PCDHGA5: variants seen among roughly 807,000 people sequenced by gnomAD.
The protein encoded by PCDHGA5 is protocadherin gamma-A5.
PCDHGA5 carries 36 observed loss-of-function variants against 56.7 expected under a neutral mutation model. The observed-to-expected ratio is 0.64, with a 90% CI of 0.49 to 0.84. PCDHGA5 has a LOEUF of 0.84. Among genes scored for constraint, PCDHGA5 ranks in the 40% least tolerant of loss-of-function variants. PCDHGA5 has a pLI of 0.00. For missense variants in PCDHGA5, 1,305 were observed against 1,201.5 expected (o/e 1.09, Z -1.27); for synonymous variants, 563 against 520.2 (o/e 1.08, Z -1.12).
At chr5:141,481,732 T>G (rs549671056) in intron 1 of PCDHGA5, among the ~76,000 whole-genome samples, 33 of 151,884 alleles carry the variant, frequency 2.2e-4, no homozygotes, top group Non-Finnish European at 4.3e-4. Context: ...GGCGGGCGGA[T>G]CACGAGGTCA....
chr5:141,365,829 C>A lies in PCDHGA5; in HGVS notation c.1499C>A (p.Pro500His). The change falls in exon 1 of 4, where the codon CCC becomes CAC. Residue 500 changes from proline to histidine, a missense_variant. Coordinates refer to ENST00000518069, the MANE Select transcript of PCDHGA5 (RefSeq NM_018918.3). ...GCTGAAGACACATTTCAGGGGGCGC[C>A]CTTGTCCTCCTATGTATCCATTAAC... is the stretch of plus-strand genomic sequence containing the variant. ...SLAEDTFQGA[P>H]LSSYVSINSD... 6.2e-7 allele frequency: 1 copy of A among 1,613,964 alleles called. No individual in the cohort carries two copies. Among genetic ancestry groups the A allele is most frequent in the Non-Finnish European group, 8.5e-7 (1 of 1,179,890 alleles).
intron 1 of PCDHGA5, chr5:141,414,601 T>A: frequency 6.2e-7 from 1 of 1,613,944 alleles, no homozygotes; most frequent in Non-Finnish European, 8.5e-7. Flanking sequence ...TGCCTCCATC[T>A]TCTCAGTGAC....
intron 1 of PCDHGA5, among the ~76,000 whole-genome samples, chr5:141,470,142 A>G (rs1308458765): frequency 6.6e-6 from 1 of 152,044 alleles, no homozygotes; most frequent in Non-Finnish European, 1.5e-5. Context: ...AAAAAAGATC[A>G]TAGATCATCT....
intron 1 of PCDHGA5, chr5:141,393,007 G>C: frequency 6.2e-7 from 1 of 1,613,850 alleles, no homozygotes; most frequent in Non-Finnish European, 8.5e-7. Context: ...CACGGAGTCC[G>C]TATCGTCTCC....
chr5:141,491,598 C>T lies in PCDHGA5; in HGVS notation c.2422-3209C>T, dbSNP rs1410472886. On this transcript the variant is annotated intron_variant, in intron 1 of 3. Transcript: ENST00000518069. This position sits in a 1 kb window ranked among gnomAD's most constrained non-coding sequence, Gnocchi z 6.9. ...TTTCACCGGCCTCGGACGGCAGTGA[C>T]TTCACTTTTCTAAGACCCCTCAGCG... 1.4e-5 allele frequency: 22 copies of T among 1,613,872 alleles called. No homozygotes were observed. The highest frequency in any genetic ancestry group is 1.8e-5 in the Non-Finnish European group (21 of 1,180,048).
chr5:141,415,112 T>G, intron 1 of PCDHGA5: 1 of 1,613,626 alleles, frequency 6.2e-7, no homozygotes, highest in Non-Finnish European at 8.5e-7. Flanking sequence ...AAGCAAAGCC[T>G]CGTAGTGGCC....
At chr5:141,393,050 G>A (rs1270447503) in intron 1 of PCDHGA5, 2 of 1,613,668 alleles carry the variant, frequency 1.2e-6, no homozygotes, top group East Asian at 2.2e-5. Flanking sequence ...CTCTGAACCC[G>A]CGCAGCGGCA....
chr5:141,393,656 C>T (rs762750239), intron 1 of PCDHGA5: 2 of 1,613,868 alleles, frequency 1.2e-6, no homozygotes, highest in East Asian at 4.5e-5. Context: ...CATACAAATT[C>T]CGGAAAATTA....
intron 2 of PCDHGA5, among the ~76,000 whole-genome samples, chr5:141,500,844 T>C (rs190011905): frequency 6.6e-6 from 1 of 152,204 alleles, no homozygotes; most frequent in Non-Finnish European, 1.5e-5. Flanking sequence ...AATGGGCTTT[T>C]GCTACATTAG....
intron 1 of PCDHGA5, chr5:141,399,103 C>CA (rs755732381): frequency 6.2e-7 from 1 of 1,613,604 alleles, no homozygotes; most frequent in African/African-American, 1.3e-5. Context: ...ACTGGTTGCA[C>CA]AATGTACAGT....
chr5:141,507,631 C>T (rs1435446169), intron 3 of PCDHGA5, among the ~76,000 whole-genome samples: 4 of 152,236 alleles, frequency 2.6e-5, no homozygotes, highest in East Asian at 3.8e-4. Context: ...TGTGGCCTTG[C>T]GCCCTGAGGC....
At chr5:141,427,945 A>G (rs747625541) in intron 1 of PCDHGA5, 22 of 1,586,364 alleles carry the variant, frequency 1.4e-5, no homozygotes, top group Middle Eastern at 1.7e-4. Flanking sequence ...GGCGACCTCA[A>G]TGACAATGTG....
Position 141,476,091 on chromosome 5 carries a change from G to T in PCDHGA5, c.2422-18716G>T, listed in dbSNP as rs1470774975. The T allele has an allele frequency of 1.3e-6, 2 of 1,563,074 alleles. No homozygotes were observed. Among genetic ancestry groups the T allele is most frequent in the Non-Finnish European group, 1.7e-6 (2 of 1,159,286 alleles). On this transcript the variant is annotated intron_variant, in intron 1 of 3. Coordinates refer to ENST00000518069, the MANE Select transcript of PCDHGA5 (RefSeq NM_018918.3). This position sits in a 1 kb window ranked among gnomAD's most constrained non-coding sequence, Gnocchi z 7.6. ...AAATCTCAGGGACGATCTGGACCCC[G>T]CTGAGAGGAACTGCTTTTGAGTGAG...
Position 141,364,513 on chromosome 5 carries a change from G to T in PCDHGA5, c.183G>T (p.Glu61Asp). ...DLGLEPQELA[E>D]RGVRIVSRGR... ...GGCTGGAGCCCCAGGAGCTGGCGGAGCGCGGAGTCCGCATCGTCTCCAGAG... is the reference window on the plus strand; with the variant it reads ...GGCTGGAGCCCCAGGAGCTGGCGGATCGCGGAGTCCGCATCGTCTCCAGAG... The change falls in exon 1 of 4, where the codon GAG becomes GAT. Residue 61 changes from glutamate to aspartate, a missense_variant. Physicochemically the swap from Glu to Asp is conservative, Grantham distance 45 (BLOSUM62 2). Transcript: ENST00000518069. 1 of 1,614,052 alleles carries T rather than the reference G, an allele frequency of 6.2e-7. No individual in the cohort carries two copies. Among genetic ancestry groups the T allele is most frequent in the Non-Finnish European group, 8.5e-7 (1 of 1,179,914 alleles).
At position 141,366,747 on chromosome 5, in the gene PCDHGA5, T is replaced by G; in HGVS notation, c.2417T>G (p.Val806Gly). The change falls in exon 1 of 4, where the codon GTT (valine) becomes GGT (glycine). Residue 806 changes from valine to glycine, a missense_variant. Transcript: ENST00000518069. ...GATGCAAACAAAGAAGAACGGCGAGTTCAGGTTAGTTTTCTCTTTCGGTAA... is the reference window on the plus strand; with the variant it reads ...GATGCAAACAAAGAAGAACGGCGAGGTCAGGTTAGTTTTCTCTTTCGGTAA... The part of the protein sequence containing the change: ...KVDANKEERR[V>G]QQAPPNTDWR... 6.2e-7 allele frequency: 1 copy of G among 1,609,550 alleles called. No individual in the cohort carries two copies. The highest frequency in any genetic ancestry group is 8.5e-7 in the Non-Finnish European group (1 of 1,176,786).
chr5:141,401,285 T>TGAGCC (rs2094137060), intron 1 of PCDHGA5, among the ~76,000 whole-genome samples: 1 of 151,918 alleles, frequency 6.6e-6, no homozygotes, highest in Non-Finnish European at 1.5e-5. Context: ...GAGGTTGCGG[T>TGAGCC]GAGCCGAGAT....
intron 1 of PCDHGA5, chr5:141,395,139 G>C: frequency 6.2e-7 from 1 of 1,614,144 alleles, no homozygotes. Flanking sequence ...GCCCAACTAC[G>C]CAGACATGCT....
rs777115265 is a variant in PCDHGA5, at chr5:141,485,247, G to C, written c.2422-9560G>C. ...CTTTTGTTCCTCTTTTACCACCTGG[G>C]TTACGTTTGTGGGCAGATCCGCTAC... On this transcript the variant is annotated intron_variant, in intron 1 of 3. Coordinates refer to ENST00000518069, the MANE Select transcript of PCDHGA5 (RefSeq NM_018918.3). This position sits in a 1 kb window ranked among gnomAD's most constrained non-coding sequence, Gnocchi z 5.7. 8.7e-6 allele frequency: 14 copies of C among 1,614,156 alleles called. No homozygotes were observed. In the African/African-American group the frequency reaches 1.6e-4, roughly 18 times the overall value.
intron 1 of PCDHGA5, chr5:141,409,494 C>T (rs755680835): frequency 8.1e-6 from 13 of 1,613,910 alleles, no homozygotes; most frequent in South Asian, 3.3e-5. Context: ...GGCAAGCCGC[C>T]TCTTTCTTCC....
Sources: gnomAD v4.1 joint callset for allele counts (sites outside exome capture counted in the v4.1 genomes callset) on GRCh38, gnomAD v4.1.1 for gene constraint, Gnocchi (gnomAD v3.1) non-coding constraint, MANE v1.5 for transcripts, NCBI Gene and HGNC (gene_info 2026-07-23, HGNC 2026-07-21) for gene names.